The following ST18 variants were observed in gnomAD, a reference collection of about 807,000 sequenced individuals.
ST18 encodes ST18 C2H2C-type zinc finger transcription factor.
A neutral mutation model predicts 110.0 loss-of-function variants in ST18; 50 were observed. That is an observed-to-expected ratio of 0.45 (90% CI 0.36 to 0.58). The LOEUF (loss-of-function observed/expected upper bound fraction) is 0.58, where lower values mean the gene tolerates loss of function less well. ST18 is among the 20% of genes least tolerant of loss of function. The probability of loss-of-function intolerance (pLI) is 0.00; values close to 1 mark genes in which losing one functional copy is unlikely to be tolerated. For synonymous variants in ST18, 461 were observed against 452.4 expected (o/e 1.02, Z -0.24); for missense variants, 1,306 against 1,280.1 (o/e 1.02, Z -0.31).
intron 14 of ST18, among the ~76,000 whole-genome samples, chr8:52,160,624 A>G (rs1450797629): frequency 2.0e-5 from 3 of 152,220 alleles, no homozygotes; most frequent in Admixed American, 6.5e-5. Context: ...TGAAGAAATC[A>G]TGACCTCTAT....
chr8:52,373,402 C>T (rs750473105), intron 2 of ST18, among the ~76,000 whole-genome samples: 24 of 152,144 alleles, frequency 1.6e-4, no homozygotes, highest in African/African-American at 5.6e-4. Flanking sequence ...TGACCACCAC[C>T]ATCCTGTATT....
chr8:52,344,622 A>G (rs1317542747), intron 2 of ST18, among the ~76,000 whole-genome samples: 1 of 152,174 alleles, frequency 6.6e-6, no homozygotes, highest in Non-Finnish European at 1.5e-5. Flanking sequence ...GCTGGTCACG[A>G]ACCCCTGACC....
chr8:52,184,358 C>T (rs10504135), intron 8 of ST18, among the ~76,000 whole-genome samples: 6,373 of 152,246 alleles, frequency 0.042, 451 homozygotes, highest in African/African-American at 0.14. Context: ...CTTTCAACTC[C>T]ATACTTTTCA....
At position 52,178,636 on chromosome 8, in the gene ST18, A is replaced by C. The variant is rs1404710304; in HGVS notation, c.277+1486T>G. Reference sequence around the variant, plus strand: ...CATCAAAAAAAAAAAAAAAAAAAAAAAAAAAAACCACCAAAAACCAAAATA... The same window carrying C: ...CATCAAAAAAAAAAAAAAAAAAAAACAAAAAAACCACCAAAAACCAAAATA... On this transcript the variant is annotated intron_variant, in intron 9 of 25. Transcript: ENST00000689386. Among the ~76,000 whole-genome samples, 3 of 132,378 alleles carry C rather than the reference A, an allele frequency of 2.3e-5. 1 individual carries two copies. Among genetic ancestry groups the C allele is most frequent in the Non-Finnish European group, 4.6e-5 (3 of 65,166 alleles). 86.8% of individuals were successfully genotyped at this position (132,378 alleles called of 152,430 possible). A position where few individuals can be genotyped will look rare whatever the true frequency, so the allele number is the denominator to read the frequency against.
chr8:52,292,223 A>G (rs1448382657), intron 2 of ST18, among the ~76,000 whole-genome samples: 1 of 152,238 alleles, frequency 6.6e-6, no homozygotes, highest in Admixed American at 6.5e-5. Flanking sequence ...ACAGTGCTTA[A>G]GAACTACCTA....
At chr8:52,247,133 C>G (rs2093926073) in intron 2 of ST18, among the ~76,000 whole-genome samples, 1 of 152,124 alleles carries the variant, frequency 6.6e-6, no homozygotes, top group Non-Finnish European at 1.5e-5. Flanking sequence ...CTACAGTCCT[C>G]TGAACTAAGT....
chr8:52,346,210 T>A (rs1817703490), intron 2 of ST18, among the ~76,000 whole-genome samples: 1 of 150,972 alleles, frequency 6.6e-6, no homozygotes, highest in South Asian at 2.1e-4. Context: ...GTTAAAAGTT[T>A]TAAACGAAAA....
chr8:52,205,917 G>A (rs1429164486), intron 8 of ST18, among the ~76,000 whole-genome samples: 2 of 152,028 alleles, frequency 1.3e-5, no homozygotes, highest in African/African-American at 2.4e-5. Flanking sequence ...GATGTGGTAG[G>A]GTTTGTCTGA....
rs117528861 is a variant in ST18 at position 52,126,239 on chromosome 8, C to T, written c.2667-99G>A. On this transcript the variant is annotated intron_variant, in intron 22 of 25. Transcript: ENST00000689386. ...AACCTACTATTTGTGTTTTTGCTGCCGATTAATTACATTATAACCCACAGT... is the reference window on the plus strand; with the variant it reads ...AACCTACTATTTGTGTTTTTGCTGCTGATTAATTACATTATAACCCACAGT... 1,452 of 1,146,230 alleles carry T rather than the reference C, an allele frequency of 1.3e-3. 21 individuals carry two copies. The East Asian group carries it at 0.03, about 24-fold the overall frequency. 71.0% of individuals were successfully genotyped at this position (1,146,230 alleles called of 1,614,324 possible). A position where few individuals can be genotyped will look rare whatever the true frequency, so the allele number is the denominator to read the frequency against.
chr8:52,374,602 C>T (rs1179086301), intron 2 of ST18, among the ~76,000 whole-genome samples: 9 of 152,008 alleles, frequency 5.9e-5, no homozygotes, highest in Admixed American at 3.3e-4. Context: ...ATGTGTGCCA[C>T]AGTGGTTTGC....
chr8:52,268,773 G>A (rs2094970424), intron 2 of ST18, among the ~76,000 whole-genome samples: 1 of 152,156 alleles, frequency 6.6e-6, no homozygotes, highest in African/African-American at 2.4e-5. Context: ...GGGCTGGAGG[G>A]TGGCACATGC....
rs192534927 is a variant in ST18 at position 52,342,020 on chromosome 8, T to C, written c.-465+67308A>G. 9.3e-4 allele frequency among the ~76,000 whole-genome samples: 142 copies of C among 152,314 alleles called. 1 individual carries two copies. The highest frequency in any genetic ancestry group is 3.1e-3 in the African/African-American group (129 of 41,566). ...GAAGGAATACATTCAAAAGATCTAT[T>C]ACACATCATAGTAACTGCAGTTAAT... On this transcript the variant is annotated intron_variant, in intron 2 of 25. Transcript: ENST00000689386.
chr8:52,270,230 A>G (rs890182364), intron 2 of ST18, among the ~76,000 whole-genome samples: 1 of 152,242 alleles, frequency 6.6e-6, no homozygotes, highest in African/African-American at 2.4e-5. Flanking sequence ...ACCTCATAGC[A>G]TAAGAGTTAA....
intron 2 of ST18, chr8:52,249,226 G>A (rs912596194): frequency 4.6e-5 from 7 of 152,170 alleles, no homozygotes; most frequent in South Asian, 2.1e-4. Context: ...GATCACTGAA[G>A]CGGTATTTCC....
rs758965232 is a variant in ST18, at chr8:52,172,288, G to T, written c.573C>A (p.Asp191Glu). Residue 191 changes from aspartate to glutamate, a missense_variant, in exon 10 of 26, where the codon GAC becomes GAA. Asp to Glu is a conservative substitution (Grantham distance 45, BLOSUM62 2). Coordinates refer to ENST00000689386, the MANE Select transcript of ST18 (RefSeq NM_001352837.2). ...CTGCACTTTCAGAGTTACTTTCATTGTCATCAGAGGAGCAGAAGGGTGGCT... is the reference window on the plus strand; with the variant it reads ...CTGCACTTTCAGAGTTACTTTCATTTTCATCAGAGGAGCAGAAGGGTGGCT... The part of the protein sequence containing the change: ...DSQPPFCSSD[D>E]NESNSESAEN... 6.2e-7 allele frequency: 1 copy of T among 1,614,154 alleles called. No homozygotes were observed. The highest frequency in any genetic ancestry group is 8.5e-7 in the Non-Finnish European group (1 of 1,180,042).
At chr8:52,165,081 A>C in intron 12 of ST18, 54 bp downstream of exon 12, 1 of 1,562,646 alleles carries the variant, frequency 6.4e-7, no homozygotes. Flanking sequence ...TATTGGTGGA[A>C]CGTTTCTACC....
intron 8 of ST18, among the ~76,000 whole-genome samples, chr8:52,201,594 G>C (rs1010488486): frequency 6.8e-6 from 1 of 147,194 alleles, no homozygotes; most frequent in African/African-American, 2.7e-5. Flanking sequence ...ACCACAGTGA[G>C]AATCCTTAGA....
At chr8:52,391,590 G>A (rs932506798) in intron 2 of ST18, among the ~76,000 whole-genome samples, 2 of 152,078 alleles carry the variant, frequency 1.3e-5, no homozygotes, top group Non-Finnish European at 2.9e-5. Context: ...ACTTGCCATT[G>A]TGTTACAACT....
At chr8:52,220,720 T>C (rs2086318899) in intron 5 of ST18, 21 bp downstream of exon 5, 1 of 152,208 alleles carries the variant, frequency 6.6e-6, no homozygotes, top group East Asian at 1.9e-4. Flanking sequence ...TACTTTTTAA[T>C]AAATAAAAAT....
Sources: gnomAD v4.1 joint callset for allele counts (sites outside exome capture counted in the v4.1 genomes callset) on GRCh38, gnomAD v4.1.1 for gene constraint, MANE v1.5 for transcripts, NCBI Gene and HGNC (gene_info 2026-07-23, HGNC 2026-07-21) for gene names.